SMPD3: variants seen among roughly 807,000 people sequenced by gnomAD.
The protein encoded by SMPD3 is nSMase-2.
In SMPD3, 21 loss-of-function variants were observed where a neutral mutation model predicts 55.7. The observed-to-expected ratio is 0.38, with a 90% CI of 0.27 to 0.54. The LOEUF (loss-of-function observed/expected upper bound fraction) is 0.54, where lower values mean the gene tolerates loss of function less well. SMPD3 is among the 20% of genes least tolerant of loss of function. SMPD3 has a pLI of 0.80. For missense variants in SMPD3, 842 were observed against 899.6 expected (o/e 0.94, Z 0.82); for synonymous variants, 457 against 404.3 (o/e 1.13, Z -1.56).
At chr16:68,426,555 A>G (rs1217651968) in intron 1 of SMPD3, among the ~76,000 whole-genome samples, 2 of 152,200 alleles carry the variant, frequency 1.3e-5, no homozygotes, top group Non-Finnish European at 2.9e-5. Context: ...GCTACTGAAT[A>G]TCTGAAGGAG....
intron 1 of SMPD3, among the ~76,000 whole-genome samples, chr16:68,437,992 G>C (rs781681585): frequency 1.3e-5 from 2 of 152,132 alleles, no homozygotes; most frequent in Non-Finnish European, 2.9e-5. Flanking sequence ...GGTGACTGAT[G>C]GGTGCTGCAA....
rs1707760515 is a variant in SMPD3, at chr16:68,358,630, A to C, written c.*2576T>G. The C allele has an allele frequency of 6.5e-6, 1 of 152,690 alleles. No individual in the cohort carries two copies. The highest frequency in any genetic ancestry group is 2.1e-4 in the South Asian group (1 of 4,834). 9.5% of individuals were successfully genotyped at this position (152,690 alleles called of 1,614,324 possible). A position where few individuals can be genotyped will look rare whatever the true frequency, so the allele number is the denominator to read the frequency against. Reference sequence around the variant, plus strand: ...AAAAAGCAATAGTTAAAAAGCATCAAGATTAATATACTTAAAACTTAAGGT... The same window carrying C: ...AAAAAGCAATAGTTAAAAAGCATCACGATTAATATACTTAAAACTTAAGGT... On this transcript the variant is annotated 3_prime_UTR_variant, in exon 9 of 9. Coordinates refer to ENST00000219334, the MANE Select transcript of SMPD3 (RefSeq NM_018667.4).
At chr16:68,432,038 C>T (rs933552801) in intron 1 of SMPD3, among the ~76,000 whole-genome samples, 2 of 152,038 alleles carry the variant, frequency 1.3e-5, no homozygotes, top group Non-Finnish European at 2.9e-5. Flanking sequence ...TCACTTGAAC[C>T]AGGAAGGCAG....
chr16:68,448,135 C>T (rs902473982), intron 1 of SMPD3, among the ~76,000 whole-genome samples: 4 of 152,176 alleles, frequency 2.6e-5, no homozygotes, highest in Non-Finnish European at 4.4e-5. Context: ...CCAGCCCTCG[C>T]CCCTCATACC....
At chr16:68,416,616 C>G (rs2090341780) in intron 1 of SMPD3, among the ~76,000 whole-genome samples, 1 of 152,218 alleles carries the variant, frequency 6.6e-6, no homozygotes, top group African/African-American at 2.4e-5. Context: ...GCAGGTTCAC[C>G]AGGAAGTAAC....
intron 1 of SMPD3, among the ~76,000 whole-genome samples, chr16:68,437,845 T>G (rs116174077): frequency 6.6e-6 from 1 of 152,290 alleles, no homozygotes; most frequent in African/African-American, 2.4e-5. Context: ...GAAAAGACAT[T>G]TTCCTTCTAA....
intron 1 of SMPD3, among the ~76,000 whole-genome samples, chr16:68,441,420 T>C (rs1027488404): frequency 6.6e-6 from 1 of 152,176 alleles, no homozygotes; most frequent in East Asian, 1.9e-4. Context: ...AGAAATATAA[T>C]GTGAGTTATA....
chr16:68,384,664 C>G (rs1298610345), intron 2 of SMPD3, among the ~76,000 whole-genome samples: 1 of 152,168 alleles, frequency 6.6e-6, no homozygotes, highest in Non-Finnish European at 1.5e-5. Flanking sequence ...TGCTCCCCCA[C>G]CATCCCAACT....
Position 68,372,031 on chromosome 16 carries a change from C to T in SMPD3, c.151G>A (p.Asp51Asn), listed in dbSNP as rs562140278. 7.6e-5 allele frequency: 122 copies of T among 1,610,452 alleles called. No individual in the cohort carries two copies. Among genetic ancestry groups the T allele is most frequent in the East Asian group, 7.2e-4 (32 of 44,696 alleles). Residue 51 changes from aspartate (D) to asparagine (N), a missense_variant, in exon 3 of 9, where the codon GAC (aspartate) becomes AAC (asparagine). Around this residue, in one of 2 missense-constraint regions of SMPD3, gnomAD observed 193 missense variants for 256.0 expected, o/e 0.75. Transcript: ENST00000219334. ...CAGAGCAGCTGCAGGCAGCACGGGTCGTCTGCCCGCTGGCGCTTCTCGTAG... is the reference window on the plus strand; with the variant it reads ...CAGAGCAGCTGCAGGCAGCACGGGTTGTCTGCCCGCTGGCGCTTCTCGTAG... ...TTYEKRQRAD[D>N]PCCLQLLCTA...
At position 68,381,274 on chromosome 16, in the gene SMPD3, G is replaced by A. The variant is rs140047500; in HGVS notation, c.-207+5324C>T. ...CATGAAAGACCATCCCTCTGCACAC[G>A]GCACCATGAAAGCCCTTGGATCCAA... On this transcript the variant is annotated intron_variant, in intron 2 of 8. Transcript: ENST00000219334. Among the ~76,000 whole-genome samples, 6 of 152,264 alleles carry A rather than the reference G, an allele frequency of 3.9e-5. No individual in the cohort carries two copies. In the East Asian group the frequency reaches 7.7e-4, roughly 20 times the overall value.
chr16:68,442,774 T>C (rs2090577314), intron 1 of SMPD3, among the ~76,000 whole-genome samples: 3 of 151,938 alleles, frequency 2.0e-5, no homozygotes, highest in Admixed American at 1.3e-4. Context: ...CTGAGGAGAG[T>C]TAATTAATGA....
chr16:68,437,465 T>C (rs138764271), intron 1 of SMPD3, among the ~76,000 whole-genome samples: 2 of 152,392 alleles, frequency 1.3e-5, no homozygotes, highest in East Asian at 1.9e-4. Flanking sequence ...TCATTAGTTA[T>C]ATGTTTATAA....
At chr16:68,437,255 C>T (rs2090529991) in intron 1 of SMPD3, among the ~76,000 whole-genome samples, 1 of 152,208 alleles carries the variant, frequency 6.6e-6, no homozygotes, top group Admixed American at 6.5e-5. Context: ...CTGATGTAAC[C>T]AAACAGCCCT....
intron 3 of SMPD3, chr16:68,370,264 G>A (rs1169975340): frequency 6.5e-6 from 1 of 153,816 alleles, no homozygotes; most frequent in Admixed American, 6.4e-5. Flanking sequence ...ACCATGGCTG[G>A]TGGGCAGACA....
At chr16:68,408,679 A>G (rs1194719888) in intron 1 of SMPD3, among the ~76,000 whole-genome samples, 1 of 152,088 alleles carries the variant, frequency 6.6e-6, no homozygotes, top group Non-Finnish European at 1.5e-5. Context: ...GCTGTGTTCT[A>G]TTTCTCTGGT....
intron 2 of SMPD3, among the ~76,000 whole-genome samples, chr16:68,375,292 AGC>A: frequency 1.0e-5 from 1 of 95,770 alleles, no homozygotes; most frequent in South Asian, 3.1e-4. Flanking sequence ...TGCCTCCACC[AGC>A]TTTTCCCTCA....
Position 68,358,763 on chromosome 16 carries a change from C to T in SMPD3, c.*2443G>A, listed in dbSNP as rs955346980. ...AGGAACAGAGTCTTGGTATGGGCCTCGGGTGACCCGTGTGCCCACCCCTGC... is the reference window on the plus strand; with the variant it reads ...AGGAACAGAGTCTTGGTATGGGCCTTGGGTGACCCGTGTGCCCACCCCTGC... On this transcript the variant is annotated 3_prime_UTR_variant, in exon 9 of 9. Transcript: ENST00000219334. The T allele has an allele frequency of 2.0e-5, 3 of 152,464 alleles. No homozygotes were observed. Among genetic ancestry groups the T allele is most frequent in the African/African-American group, 2.4e-5 (1 of 41,456 alleles). The allele number at this position is 152,464 out of a possible 1,614,324, so 9.4% of individuals were successfully genotyped here.
Position 68,371,904 on chromosome 16 carries a change from C to T in SMPD3, c.278G>A (p.Arg93Gln), listed in dbSNP as rs754011289. 3.1e-5 allele frequency: 50 copies of T among 1,610,446 alleles called. No homozygotes were observed. The East Asian group carries it at 6.9e-4, about 22-fold the overall frequency. Reference protein sequence around the residue: ...LFWSPLQSARRPYIYSRLEDK... With the variant: ...LFWSPLQSARQPYIYSRLEDK... Reference sequence around the variant, plus strand: ...TTCCAGCCGTGAATAGATGTAGGGCCGGCGGGCCGACTGCAGTGGGGACCA... The same window carrying T: ...TTCCAGCCGTGAATAGATGTAGGGCTGGCGGGCCGACTGCAGTGGGGACCA... Residue 93 changes from arginine to glutamine, a missense_variant, in exon 3 of 9, where the codon CGG becomes CAG. By Grantham distance (43) the Arg-to-Gln change is conservative. This residue lies in a region of SMPD3 where 193 missense variants were observed against 256.0 expected (regional missense o/e 0.75). Coordinates refer to ENST00000219334, the MANE Select transcript of SMPD3 (RefSeq NM_018667.4).
chr16:68,422,496 G>A lies in SMPD3; in HGVS notation c.-269+25857C>T, dbSNP rs76768031. 5.8e-3 allele frequency among the ~76,000 whole-genome samples: 889 copies of A among 152,308 alleles called. 9 individuals carry two copies. Among genetic ancestry groups the A allele is most frequent in the African/African-American group, 0.02 (824 of 41,566 alleles). Reference sequence around the variant, plus strand: ...ACAGAGTATAGTAAAGTGCTCAGAGGGAGGAAAAGAAGGTTTTGCTGTTGT... The same window carrying A: ...ACAGAGTATAGTAAAGTGCTCAGAGAGAGGAAAAGAAGGTTTTGCTGTTGT... On this transcript the variant is annotated intron_variant, in intron 1 of 8. Coordinates refer to ENST00000219334, the MANE Select transcript of SMPD3 (RefSeq NM_018667.4).
Sources: gnomAD v4.1 joint callset for allele counts (sites outside exome capture counted in the v4.1 genomes callset) on GRCh38, gnomAD v4.1.1 for gene constraint, gnomAD v4.1.1 regional missense constraint, MANE v1.5 for transcripts, NCBI Gene and HGNC (gene_info 2026-07-23, HGNC 2026-07-21) for gene names.